HORMAD2: variants seen among roughly 807,000 people sequenced by gnomAD.
HORMAD2 encodes HORMA domain-containing protein 2.
A neutral mutation model predicts 38.8 loss-of-function variants in HORMAD2; 45 were observed. The ratio of observed to expected loss-of-function variants is 1.16; its 90% CI spans 0.91 to 1.49. The LOEUF (loss-of-function observed/expected upper bound fraction) is 1.49, where lower values mean the gene tolerates loss of function less well. Ranked by LOEUF, HORMAD2 falls within the 40% of genes most tolerant of loss-of-function variation. The pLI, the probability that HORMAD2 is intolerant of heterozygous loss-of-function variation, is 0.00. For missense variants in HORMAD2, 338 were observed against 367.0 expected, an observed-to-expected ratio of 0.92 and a Z score of 0.65; for synonymous variants, 126 against 122.8, an observed-to-expected ratio of 1.03 and a Z score of -0.17.
chr22:30,121,930 G>A (rs752869153), intron 9 of HORMAD2, 34 bp from the exon 10 acceptor site: 4 of 1,592,316 alleles, frequency 2.5e-6, no homozygotes, highest in Non-Finnish European at 3.4e-6. Flanking sequence ...TTGAAACTCA[G>A]TTTTCATGGC....
intron 10 of HORMAD2, among the ~76,000 whole-genome samples, chr22:30,164,295 GT>G (rs1925641210): frequency 6.6e-6 from 1 of 152,094 alleles, no homozygotes; most frequent in African/African-American, 2.4e-5. Context: ...CCTGCTTTCA[GT>G]CCTTTTGGAT....
upstream of HORMAD2, among the ~76,000 whole-genome samples, chr22:30,079,790 G>C (rs540357008): frequency 2.0e-5 from 3 of 152,162 alleles, no homozygotes; most frequent in South Asian, 6.2e-4. Context: ...AGCGATTCTC[G>C]TGCCTCAGCT....
intron 10 of HORMAD2, among the ~76,000 whole-genome samples, chr22:30,163,904 T>C (rs1304626792): frequency 6.6e-6 from 1 of 152,186 alleles, no homozygotes; most frequent in Non-Finnish European, 1.5e-5. Context: ...CAGAAGTTTC[T>C]TCATCTTCCC....
At chr22:30,123,267 T>G (rs539535836) in intron 10 of HORMAD2, among the ~76,000 whole-genome samples, 42 of 152,194 alleles carry the variant, frequency 2.8e-4, no homozygotes, top group Non-Finnish European at 4.9e-4. Context: ...AAGGAAGATA[T>G]AGCTAACATA....
At chr22:30,136,634 A>G (rs1230360249) in intron 10 of HORMAD2, 2 of 152,028 alleles carry the variant, frequency 1.3e-5, no homozygotes, top group Non-Finnish European at 2.9e-5. Flanking sequence ...TTTTTCCACA[A>G]ATAGGGCTTT....
At chr22:30,175,699 A>T (rs1035761212) in intron 10 of HORMAD2, among the ~76,000 whole-genome samples, 3 of 152,138 alleles carry the variant, frequency 2.0e-5, no homozygotes, top group Non-Finnish European at 4.4e-5. Context: ...TGGGACTTAA[A>T]TTACATTTGC....
At chr22:30,135,480 A>G (rs1923588840) in intron 10 of HORMAD2, among the ~76,000 whole-genome samples, 1 of 152,080 alleles carries the variant, frequency 6.6e-6, no homozygotes, top group African/African-American at 2.4e-5. Context: ...AGTTGGAAAC[A>G]GAATATCAGA....
intron 10 of HORMAD2, among the ~76,000 whole-genome samples, chr22:30,160,799 A>G (rs1262047020): frequency 6.6e-6 from 1 of 152,216 alleles, no homozygotes; most frequent in East Asian, 1.9e-4. Flanking sequence ...AAAGTGTTTG[A>G]ATATATTTTT....
At chr22:30,159,046 A>G (rs1031728082) in intron 10 of HORMAD2, among the ~76,000 whole-genome samples, 10 of 152,226 alleles carry the variant, frequency 6.6e-5, no homozygotes, top group African/African-American at 2.4e-4. Context: ...AAATTCTTTT[A>G]TATGAACTAC....
intron 10 of HORMAD2, among the ~76,000 whole-genome samples, chr22:30,158,872 A>G (rs1303377422): frequency 1.3e-5 from 2 of 151,720 alleles, no homozygotes; most frequent in South Asian, 2.1e-4. Flanking sequence ...TTTGGTAGAG[A>G]TGGGGTTTCA....
At chr22:30,094,083 G>A (rs1157958987) in intron 2 of HORMAD2, 80 bp downstream of exon 2, 9 of 1,053,386 alleles carry the variant, frequency 8.5e-6, no homozygotes, top group Non-Finnish European at 1.3e-5. Context: ...TTTTGTGTGT[G>A]TGTTTTTAAG....
chr22:30,122,266 A>G lies in HORMAD2; in HGVS notation c.819+52A>G, dbSNP rs1321030749. 2.9e-5 allele frequency: 45 copies of G among 1,531,166 alleles called. No homozygotes were observed. In the South Asian group the frequency reaches 5.2e-4, roughly 18 times the overall value. 94.8% of individuals were successfully genotyped at this position (1,531,166 alleles called of 1,614,324 possible). A position where few individuals can be genotyped will look rare whatever the true frequency, so the allele number is the denominator to read the frequency against. On this transcript the variant is annotated intron_variant, in intron 10 of 10. Transcript: ENST00000336726. ...ATCGTGTCAGTTAAACACAATTGAT[A>G]TTTTTCAGTTTCTACCCAGGGCATG...
intron 10 of HORMAD2, among the ~76,000 whole-genome samples, chr22:30,156,662 A>G (rs960636229): frequency 6.6e-6 from 1 of 152,230 alleles, no homozygotes; most frequent in African/African-American, 2.4e-5. Context: ...AGTCACAATA[A>G]CATTACTGTC....
At chr22:30,085,013 G>A (rs1184122292) in intron 1 of HORMAD2, among the ~76,000 whole-genome samples, 1 of 152,026 alleles carries the variant, frequency 6.6e-6, no homozygotes, top group East Asian at 1.9e-4. Flanking sequence ...AAGCATGGTG[G>A]CAGTCGCCTG....
chr22:30,181,427 C>T (rs5997588), downstream of HORMAD2, among the ~76,000 whole-genome samples: 32 of 152,228 alleles, frequency 2.1e-4, no homozygotes, highest in African/African-American at 7.5e-4. Flanking sequence ...AGAACCCTCC[C>T]CACTCCTTTC....
downstream of HORMAD2, among the ~76,000 whole-genome samples, chr22:30,177,825 A>G (rs1335289365): frequency 6.7e-6 from 1 of 148,248 alleles, no homozygotes; most frequent in African/African-American, 2.5e-5. Flanking sequence ...GACTACAAGC[A>G]TGTGCCACCA....
Position 30,135,436 on chromosome 22 carries a change from G to A in HORMAD2, c.819+13222G>A, listed in dbSNP as rs112658754. 5.5e-3 allele frequency among the ~76,000 whole-genome samples: 834 copies of A among 151,956 alleles called. 8 individuals are homozygous for A. Among genetic ancestry groups the A allele is most frequent in the African/African-American group, 0.019 (781 of 41,442 alleles). ...CAGAGCATGGCAGTCTTGCTGAGTC[G>A]AAGAAAGAGACTGGAGTATGGGGAA... On this transcript the variant is annotated intron_variant, in intron 10 of 10. Transcript: ENST00000336726.
intron 1 of HORMAD2, among the ~76,000 whole-genome samples, chr22:30,090,557 C>T (rs2068664301): frequency 6.6e-6 from 1 of 152,068 alleles, no homozygotes. Context: ...TGAATATATA[C>T]CTAGAGATGG....
the HORMAD2 span, among the ~76,000 whole-genome samples, chr22:30,182,558 C>T: frequency 6.6e-6 from 1 of 152,108 alleles, no homozygotes; most frequent in Non-Finnish European, 1.5e-5. Flanking sequence ...AAGGATCTGC[C>T]AATGAAACAC....
Sources: allele counts gnomAD v4.1 joint callset (sites outside exome capture counted in the v4.1 genomes callset), GRCh38; gene constraint gnomAD v4.1.1; transcripts MANE v1.5; gene names NCBI Gene and HGNC (gene_info 2026-07-23, HGNC 2026-07-21).